ACTR3C: variants seen among roughly 807,000 people sequenced by gnomAD.
ACTR3C encodes actin-related protein 3C.
In ACTR3C, 18 loss-of-function variants were observed where a neutral mutation model predicts 26.3. The ratio of observed to expected loss-of-function variants is 0.68; its 90% CI spans 0.47 to 1.01. The LOEUF (loss-of-function observed/expected upper bound fraction) is 1.01, where lower values mean the gene tolerates loss of function less well. Among genes scored for constraint, ACTR3C ranks in the 50% least tolerant of loss-of-function variants. ACTR3C has a pLI of 0.00. For missense variants in ACTR3C, 184 were observed against 250.7 expected (o/e 0.73, Z 1.80); for synonymous variants, 55 against 94.5 (o/e 0.58, Z 2.42).
the ACTR3C span, among the ~76,000 whole-genome samples, chr7:150,204,414 G>A: frequency 6.7e-6 from 1 of 149,132 alleles, no homozygotes; most frequent in African/African-American, 2.5e-5. Flanking sequence ...AGGACCAGAA[G>A]AGGGTAAAGA....
At chr7:150,042,107 T>TCCC in the ACTR3C span, among the ~76,000 whole-genome samples, 1 of 73,892 alleles carries the variant, frequency 1.4e-5, no homozygotes, top group African/African-American at 5.3e-5. Flanking sequence ...GGGGGGTGCC[T>TCCC]CCCCCCTCTG....
rs184083521 is a variant in ACTR3C at position 150,276,205 on chromosome 7, T to C, written c.564+8548A>G. 7.2e-3 allele frequency among the ~76,000 whole-genome samples: 1,092 copies of C among 151,832 alleles called. 12 individuals carry two copies. Among genetic ancestry groups the C allele is most frequent in the African/African-American group, 0.025 (1,037 of 41,124 alleles). On this transcript the variant is annotated intron_variant, in intron 6 of 7. Transcript: ENST00000683684. ...TTAACAGCAAGTGCTTAATATCAAA[T>C]GCGGTATTAAAAATAACAAAAATTT...
At chr7:150,245,443 G>T (rs1354800078), downstream of ACTR3C, 4 of 152,322 alleles carry the variant, frequency 2.6e-5, no homozygotes, top group East Asian at 5.8e-4. Context: ...TCATCTCAAT[G>T]TGTGGCTTCC....
the ACTR3C span, among the ~76,000 whole-genome samples, chr7:150,037,916 TC>T: frequency 7.7e-6 from 1 of 129,808 alleles, no homozygotes; most frequent in Non-Finnish European, 1.7e-5. Flanking sequence ...AGTCCCCGCG[TC>T]GCGAGGGGTG....
the ACTR3C span, among the ~76,000 whole-genome samples, chr7:150,173,362 G>A: frequency 6.9e-6 from 1 of 145,744 alleles, no homozygotes; most frequent in Non-Finnish European, 1.5e-5. Context: ...CACCTTCTGA[G>A]GCTACAGCCT....
intron 7 of ACTR3C, 176 bp from the exon 8 acceptor site, chr7:150,247,745 C>G (rs1832544978): frequency 1.4e-5 from 2 of 146,280 alleles, no homozygotes; most frequent in Non-Finnish European, 3.0e-5. Flanking sequence ...GAGTGCATTC[C>G]TCATGGATGG....
At chr7:150,151,387 A>G in the ACTR3C span, among the ~76,000 whole-genome samples, 1 of 137,770 alleles carries the variant, frequency 7.3e-6, no homozygotes, top group Admixed American at 7.4e-5. Flanking sequence ...ATATTAATTT[A>G]TTTCTATAAC....
the ACTR3C span, among the ~76,000 whole-genome samples, chr7:150,120,047 A>G: frequency 1.1e-4 from 16 of 152,220 alleles, no homozygotes; most frequent in African/African-American, 3.9e-4. Context: ...GAGAACAAAG[A>G]CACAATGTAC....
At chr7:150,143,939 C>A in the ACTR3C span, among the ~76,000 whole-genome samples, 20 of 152,340 alleles carry the variant, frequency 1.3e-4, no homozygotes, top group African/African-American at 4.6e-4. Flanking sequence ...TGAGCCTGGG[C>A]CAGGCTTCTT....
At chr7:150,320,631 C>T (rs947733401) in intron 1 of ACTR3C, among the ~76,000 whole-genome samples, 4 of 152,106 alleles carry the variant, frequency 2.6e-5, no homozygotes, top group Middle Eastern at 3.2e-3. Flanking sequence ...GGTAAAGTGG[C>T]GCACATCTGT....
chr7:150,091,987 C>CAAAA, the ACTR3C span, among the ~76,000 whole-genome samples: 754 of 19,416 alleles, frequency 0.039, 281 homozygotes, highest in Middle Eastern at 0.14. Flanking sequence ...GACTCCGTCT[C>CAAAA]AAAAAAAAAA....
intron 1 of ACTR3C, 86 bp downstream of exon 1, chr7:150,323,383 C>T: frequency 3.4e-6 from 1 of 295,330 alleles, no homozygotes; most frequent in Non-Finnish European, 6.5e-6. Flanking sequence ...CTGGGAGAAG[C>T]ACGCTGGCCA....
chr7:150,157,884 G>A, the ACTR3C span, among the ~76,000 whole-genome samples: 2 of 152,086 alleles, frequency 1.3e-5, no homozygotes, highest in South Asian at 4.1e-4. Flanking sequence ...ACATGATGTA[G>A]AACTGAGCAA....
chr7:149,973,322 G>T, the ACTR3C span, among the ~76,000 whole-genome samples: 4 of 152,272 alleles, frequency 2.6e-5, no homozygotes, highest in East Asian at 7.7e-4. Flanking sequence ...AATTAGATCT[G>T]GGAGAAGCAA....
chr7:149,967,482 T>C, the ACTR3C span, among the ~76,000 whole-genome samples: 3 of 152,092 alleles, frequency 2.0e-5, no homozygotes, highest in African/African-American at 7.2e-5. Context: ...CATGTCTATG[T>C]TTTCAAAAGG....
the ACTR3C span, among the ~76,000 whole-genome samples, chr7:150,183,285 T>C: frequency 1.4e-5 from 2 of 139,818 alleles, no homozygotes; most frequent in Non-Finnish European, 3.0e-5. Flanking sequence ...ATGGATTCTT[T>C]CCCTTTGTAA....
chr7:150,317,767 T>A (rs1797088622), intron 1 of ACTR3C, among the ~76,000 whole-genome samples: 1 of 152,180 alleles, frequency 6.6e-6, no homozygotes, highest in African/African-American at 2.4e-5. Flanking sequence ...CACTACAATC[T>A]AGTTATTATC....
chr7:150,042,463 G>T, the ACTR3C span, among the ~76,000 whole-genome samples: 2 of 145,562 alleles, frequency 1.4e-5, no homozygotes, highest in African/African-American at 5.0e-5. Context: ...AAGAGCCAGG[G>T]GAGGAAAGGG....
the ACTR3C span, among the ~76,000 whole-genome samples, chr7:150,035,503 A>C: frequency 4.5e-4 from 50 of 110,778 alleles, no homozygotes; most frequent in African/African-American, 1.8e-3. Flanking sequence ...AAGAGGGGAT[A>C]GCTCTCAGTC....
Sources: allele counts gnomAD v4.1 joint callset (sites outside exome capture counted in the v4.1 genomes callset), GRCh38; gene constraint gnomAD v4.1.1; transcripts MANE v1.5; gene names NCBI Gene and HGNC (gene_info 2026-07-23, HGNC 2026-07-21).